SMAP1: variants seen among roughly 807,000 people sequenced by gnomAD.
SMAP1 encodes the protein stromal membrane-associated protein 1.
A neutral mutation model predicts 58.5 loss-of-function variants in SMAP1; 24 were observed. The ratio of observed to expected loss-of-function variants is 0.41; its 90% CI spans 0.30 to 0.58. The LOEUF is 0.58. Among genes scored for constraint, SMAP1 ranks in the 20% least tolerant of loss-of-function variants. The pLI is 0.29. For synonymous variants in SMAP1, 216 were observed against 196.6 expected (o/e 1.10, Z -0.82); for missense variants, 563 against 566.3 (o/e 0.99, Z 0.06).
At chr6:70,836,142 C>T (rs1026679589) in intron 6 of SMAP1, among the ~76,000 whole-genome samples, 10 of 152,030 alleles carry the variant, frequency 6.6e-5, no homozygotes, top group East Asian at 3.9e-4. Context: ...TGTATTAGTC[C>T]GTTTTCATGC....
intron 2 of SMAP1, among the ~76,000 whole-genome samples, chr6:70,741,234 A>G (rs1001672150): frequency 1.3e-5 from 2 of 152,192 alleles, no homozygotes; most frequent in African/African-American, 4.8e-5. Context: ...AGTCTCATCC[A>G]AGACAAGGCA....
At chr6:70,698,638 G>A (rs956308805) in intron 1 of SMAP1, among the ~76,000 whole-genome samples, 4 of 152,046 alleles carry the variant, frequency 2.6e-5, no homozygotes, top group Non-Finnish European at 4.4e-5. Context: ...TCAAGCTTAC[G>A]AATTATTTCT....
At chr6:70,715,875 C>T (rs113446923) in intron 1 of SMAP1, among the ~76,000 whole-genome samples, 6 of 146,008 alleles carry the variant, frequency 4.1e-5, no homozygotes, top group Admixed American at 2.8e-4. Flanking sequence ...GTATTTTATC[C>T]CTCACCCGCT....
intron 4 of SMAP1, among the ~76,000 whole-genome samples, chr6:70,781,960 AC>A (rs1437826485): frequency 1.3e-5 from 2 of 152,170 alleles, no homozygotes; most frequent in African/African-American, 4.8e-5. Context: ...TGAAGGAAGG[AC>A]TGTTAAACTC....
intron 10 of SMAP1, chr6:70,859,390 C>T: frequency 6.5e-7 from 1 of 1,548,962 alleles, no homozygotes; most frequent in Non-Finnish European, 8.7e-7. Context: ...TGGCCAATGA[C>T]AAGGTGGTTA....
intron 4 of SMAP1, among the ~76,000 whole-genome samples, chr6:70,781,189 C>G (rs1416676867): frequency 6.6e-6 from 1 of 151,922 alleles, no homozygotes; most frequent in Non-Finnish European, 1.5e-5. Flanking sequence ...TTTAAGTTTT[C>G]CAGAATTCTA....
At position 70,861,511 on chromosome 6, in the gene SMAP1, C is replaced by G. The variant is rs549009881; in HGVS notation, c.*1177C>G. 1 of 651,106 alleles carries G rather than the reference C, an allele frequency of 1.5e-6. No homozygotes were observed. Among genetic ancestry groups the G allele is most frequent in the East Asian group, 2.7e-5 (1 of 36,558 alleles). 40.3% of individuals were successfully genotyped at this position (651,106 alleles called of 1,614,324 possible). A position where few individuals can be genotyped will look rare whatever the true frequency, so the allele number is the denominator to read the frequency against. On this transcript the variant is annotated 3_prime_UTR_variant, in exon 11 of 11. Coordinates refer to ENST00000370455, the MANE Select transcript of SMAP1 (RefSeq NM_001044305.3). ...CAATTAGCTTATGTTAACTGACAAG[C>G]TCCATTTAAACAGATGTCCATCAGA...
intron 7 of SMAP1, among the ~76,000 whole-genome samples, chr6:70,845,781 G>A (rs1338134341): frequency 6.6e-6 from 1 of 152,222 alleles, no homozygotes; most frequent in Non-Finnish European, 1.5e-5. Flanking sequence ...TGAGGTAGCA[G>A]GTAGAATAGT....
chr6:70,771,741 A>C (rs1035991821), intron 3 of SMAP1, among the ~76,000 whole-genome samples: 18 of 151,996 alleles, frequency 1.2e-4, no homozygotes, highest in Admixed American at 1.1e-3. Flanking sequence ...CCGCTCGCCC[A>C]CGGTGTGCTG....
At position 70,861,991 on chromosome 6, in the gene SMAP1, T is replaced by TAAA. The variant is rs575008239; in HGVS notation, c.*1667_*1669dup. The TAAA allele has an allele frequency of 2.5e-6, 3 of 1,222,090 alleles. No individual in the cohort carries two copies. Among genetic ancestry groups the TAAA allele is most frequent in the Non-Finnish European group, 3.3e-6 (3 of 901,236 alleles). The allele number at this position is 1,222,090 out of a possible 1,614,324, so 75.7% of individuals were successfully genotyped here. A position where few individuals can be genotyped will look rare whatever the true frequency, so the allele number is the denominator to read the frequency against. On this transcript the variant is annotated 3_prime_UTR_variant, in exon 11 of 11. Coordinates refer to ENST00000370455, the MANE Select transcript of SMAP1 (RefSeq NM_001044305.3). ...CTTACAGCAAATCCTTTGTGAAAAATAAAAAAAAAAAAGAGACTTTAAAAT... is the reference window on the plus strand; with the variant it reads ...CTTACAGCAAATCCTTTGTGAAAAATAAAAAAAAAAAAAAAGAGACTTTAAAAT...
chr6:70,749,286 A>G (rs541916365), intron 2 of SMAP1, among the ~76,000 whole-genome samples: 57 of 152,228 alleles, frequency 3.7e-4, no homozygotes, highest in Middle Eastern at 6.8e-3. Context: ...CCATGATTCA[A>G]TCACCTCCCA....
chr6:70,796,114 A>G (rs1256344102), intron 5 of SMAP1, among the ~76,000 whole-genome samples: 2 of 152,136 alleles, frequency 1.3e-5, no homozygotes, highest in Non-Finnish European at 2.9e-5. Flanking sequence ...ACATTTTATA[A>G]TATATATAAA....
chr6:70,672,398 T>C (rs931147269), intron 1 of SMAP1, among the ~76,000 whole-genome samples: 1 of 152,210 alleles, frequency 6.6e-6, no homozygotes, highest in African/African-American at 2.4e-5. Context: ...TTGCTCATCT[T>C]TCAATTCCTG....
At chr6:70,858,548 C>T (rs1372574981) in intron 10 of SMAP1, 18 of 202,870 alleles carry the variant, frequency 8.9e-5, no homozygotes, top group Non-Finnish European at 1.6e-4. Context: ...GACTCCCTCT[C>T]TGTCACCTCT....
intron 5 of SMAP1, among the ~76,000 whole-genome samples, chr6:70,793,730 TA>T (rs199997675): frequency 1.3e-5 from 2 of 151,992 alleles, no homozygotes; most frequent in African/African-American, 4.8e-5. Flanking sequence ...TTTATTTATT[TA>T]TTTTTTTGAG....
chr6:70,747,312 G>A (rs745379056), intron 2 of SMAP1, among the ~76,000 whole-genome samples: 8 of 152,184 alleles, frequency 5.3e-5, no homozygotes, highest in Non-Finnish European at 1.0e-4. Context: ...ATACCACAAT[G>A]TGCTGAGGGC....
intron 1 of SMAP1, among the ~76,000 whole-genome samples, chr6:70,721,868 G>A (rs1358976404): frequency 6.6e-6 from 1 of 152,080 alleles, no homozygotes; most frequent in African/African-American, 2.4e-5. Context: ...AAATAGCATG[G>A]GAAAGACCGG....
At chr6:70,825,944 G>A (rs1163083527) in intron 6 of SMAP1, among the ~76,000 whole-genome samples, 1 of 152,166 alleles carries the variant, frequency 6.6e-6, no homozygotes, top group Admixed American at 6.5e-5. Context: ...ACCAGATTAT[G>A]TTTGTGTCCA....
chr6:70,753,013 T>A (rs186086451), intron 2 of SMAP1, among the ~76,000 whole-genome samples: 46 of 152,180 alleles, frequency 3.0e-4, no homozygotes, highest in Non-Finnish European at 5.9e-5. Context: ...TGTTTAATAG[T>A]TTGGTATAAT....
Sources: gnomAD v4.1 joint callset for allele counts (sites outside exome capture counted in the v4.1 genomes callset) on GRCh38, gnomAD v4.1.1 for gene constraint, MANE v1.5 for transcripts, NCBI Gene and HGNC (gene_info 2026-07-23, HGNC 2026-07-21) for gene names.